The following NCAM1 variants were observed in gnomAD, a reference collection of about 807,000 sequenced individuals.
NCAM1 encodes neural cell adhesion molecule 1.
Under a neutral mutation model 109.8 loss-of-function variants are expected in NCAM1, and 14 were observed. That is an observed-to-expected ratio of 0.13 (90% CI 0.08 to 0.20). The LOEUF (loss-of-function observed/expected upper bound fraction) is 0.20, where lower values mean the gene tolerates loss of function less well. Among genes scored for constraint, NCAM1 ranks in the 10% least tolerant of loss-of-function variants. NCAM1 has a pLI of 1.00. For missense variants in NCAM1, 774 were observed against 1,109.9 expected (o/e 0.70, Z 4.30); for synonymous variants, 418 against 442.9 (o/e 0.94, Z 0.70).
chr11:113,000,853 A>C (rs374291114), intron 1 of NCAM1, among the ~76,000 whole-genome samples: 15 of 72,332 alleles, frequency 2.1e-4, no homozygotes, highest in South Asian at 7.7e-4. Context: ...TATATACACA[A>C]AAAATATATA....
At chr11:113,236,193 C>T (rs1945161998) in intron 14 of NCAM1, 6 of 1,140,806 alleles carry the variant, frequency 5.3e-6, no homozygotes, top group Non-Finnish European at 7.7e-6. Context: ...GTTTCCAGCT[C>T]CATGTGCTCT....
intron 1 of NCAM1, among the ~76,000 whole-genome samples, chr11:113,047,380 T>C (rs578227012): frequency 2.0e-4 from 31 of 152,276 alleles, no homozygotes; most frequent in Admixed American, 7.2e-4. Flanking sequence ...TAAGCAATAC[T>C]GTAAAAATAT....
At chr11:113,010,671 A>T (rs1555074220) in intron 1 of NCAM1, among the ~76,000 whole-genome samples, 1 of 152,230 alleles carries the variant, frequency 6.6e-6, no homozygotes, top group African/African-American at 2.4e-5. Context: ...CAACAGGAAA[A>T]GTCAGTTGGC....
chr11:113,156,607 T>C (rs1309758100), intron 1 of NCAM1, among the ~76,000 whole-genome samples: 1 of 151,816 alleles, frequency 6.6e-6, no homozygotes, highest in African/African-American at 2.4e-5. Flanking sequence ...GTAGAGATAG[T>C]GAAAAGAAAA....
intron 1 of NCAM1, among the ~76,000 whole-genome samples, chr11:113,065,626 A>G (rs1937913701): frequency 6.6e-6 from 1 of 152,200 alleles, no homozygotes; most frequent in African/African-American, 2.4e-5. Context: ...CATAGCCAAT[A>G]GCAGGAAGTT....
rs1170010260 is a variant in NCAM1 at position 113,273,653 on chromosome 11, C to A, written c.2457-1614C>A. 2 of 456,004 alleles carry A rather than the reference C, an allele frequency of 4.4e-6. No homozygotes were observed. The highest frequency in any genetic ancestry group is 8.8e-6 in the Non-Finnish European group (2 of 226,568). The allele number at this position is 456,004 out of a possible 1,614,324, so 28.2% of individuals were successfully genotyped here. On this transcript the variant is annotated intron_variant, in intron 19 of 19. Coordinates refer to ENST00000316851, the MANE Select transcript of NCAM1 (RefSeq NM_181351.5). This position sits in a 1 kb window ranked among gnomAD's most constrained non-coding sequence, Gnocchi z 6.0. ...CAAAGGATGTTTTTGCAGCCCTGGGCTCTCCTGCTCCCGCCGCTGGGGCCA... is the reference window on the plus strand; with the variant it reads ...CAAAGGATGTTTTTGCAGCCCTGGGATCTCCTGCTCCCGCCGCTGGGGCCA...
At chr11:113,046,607 G>A (rs1182018128) in intron 1 of NCAM1, among the ~76,000 whole-genome samples, 1 of 152,204 alleles carries the variant, frequency 6.6e-6, no homozygotes, top group African/African-American at 2.4e-5. Context: ...CAACATTGCA[G>A]ATGATAGACA....
At position 113,230,177 on chromosome 11, in the gene NCAM1, CA is replaced by C. The variant is rs528072702; in HGVS notation, c.1090-1466del. On this transcript the variant is annotated intron_variant, in intron 9 of 19. Transcript: ENST00000316851. The stretch of plus-strand genomic sequence containing the variant: ...AGTATCTCCAACAAACTGGGTGTCA[CA>C]AGGCTTTCTAGTGAAGTGTTCCACA... Among the ~76,000 whole-genome samples, 39 of 152,246 alleles carry C rather than the reference CA, an allele frequency of 2.6e-4. No homozygotes were observed. The East Asian group carries it at 7.3e-3, about 29-fold the overall frequency.
chr11:113,066,438 A>G (rs1317165413), intron 1 of NCAM1, among the ~76,000 whole-genome samples: 1 of 152,168 alleles, frequency 6.6e-6, no homozygotes, highest in African/African-American at 2.4e-5. Flanking sequence ...GCATCCATCC[A>G]GGATTGGGTA....
At chr11:113,222,168 G>C (rs2137103593) in intron 9 of NCAM1, among the ~76,000 whole-genome samples, 1 of 152,238 alleles carries the variant, frequency 6.6e-6, no homozygotes, top group East Asian at 1.9e-4. Context: ...AATCTCTAAG[G>C]ACTTTTTTAA....
chr11:113,106,224 T>TG (rs1940154282), intron 1 of NCAM1, among the ~76,000 whole-genome samples: 1 of 152,242 alleles, frequency 6.6e-6, no homozygotes, highest in Admixed American at 6.5e-5. Flanking sequence ...TACGTTGTGG[T>TG]GGCAAAGTAC....
intron 1 of NCAM1, among the ~76,000 whole-genome samples, chr11:113,138,881 A>G (rs1178331519): frequency 1.3e-5 from 2 of 152,220 alleles, no homozygotes; most frequent in African/African-American, 4.8e-5. Context: ...TCAGAGGTCA[A>G]CTTCTCTACT....
At chr11:113,237,319 G>T (rs1351517708) in intron 14 of NCAM1, among the ~76,000 whole-genome samples, 1 of 152,132 alleles carries the variant, frequency 6.6e-6, no homozygotes, top group Non-Finnish European at 1.5e-5. Context: ...TCATAAAAAG[G>T]CTCCCAGCTC....
intron 1 of NCAM1, 139 bp downstream of exon 1, chr11:112,961,803 C>T (rs1240392073): frequency 3.0e-6 from 2 of 658,462 alleles, no homozygotes; most frequent in Non-Finnish European, 2.6e-6. Flanking sequence ...GTGAAAGGAG[C>T]GCGTCGCCCT....
At chr11:113,179,030 C>T (rs1469016963) in intron 1 of NCAM1, among the ~76,000 whole-genome samples, 4 of 152,172 alleles carry the variant, frequency 2.6e-5, no homozygotes, top group Admixed American at 6.5e-5. Flanking sequence ...ATACGCATCT[C>T]TTCCCAGCTC....
At chr11:113,251,577 A>T (rs537719452) in intron 15 of NCAM1, among the ~76,000 whole-genome samples, 1 of 152,272 alleles carries the variant, frequency 6.6e-6, no homozygotes, top group Admixed American at 6.5e-5. Context: ...TTATTGGCAA[A>T]GTTTCTTTTT....
chr11:113,242,736 A>G, intron 14 of NCAM1: 2 of 1,358,716 alleles, frequency 1.5e-6, no homozygotes, highest in Non-Finnish European at 2.1e-6. Context: ...ATATATAGCT[A>G]TGAGTTTAAT....
intron 16 of NCAM1, among the ~76,000 whole-genome samples, chr11:113,256,821 C>T (rs1181885694): frequency 6.6e-6 from 1 of 152,206 alleles, no homozygotes; most frequent in Non-Finnish European, 1.5e-5. Flanking sequence ...TTAGAGGCCA[C>T]ATCTGAGCAC....
chr11:113,000,787 A>T (rs1555072256), intron 1 of NCAM1, among the ~76,000 whole-genome samples: 2 of 147,188 alleles, frequency 1.4e-5, no homozygotes, highest in Non-Finnish European at 3.0e-5. Context: ...GCTCTTTGGC[A>T]TTTGGAGGCA....
Sources: gnomAD v4.1 joint callset for allele counts (sites outside exome capture counted in the v4.1 genomes callset) on GRCh38, gnomAD v4.1.1 for gene constraint, Gnocchi (gnomAD v3.1) non-coding constraint, MANE v1.5 for transcripts, NCBI Gene and HGNC (gene_info 2026-07-23, HGNC 2026-07-21) for gene names.